The following CPVL variants were observed in gnomAD, a reference collection of about 807,000 sequenced individuals.
CPVL encodes the protein carboxypeptidase vitellogenic like, also known as probable serine carboxypeptidase CPVL.
Under a neutral mutation model 63.7 loss-of-function variants are expected in CPVL, and 51 were observed. The ratio of observed to expected loss-of-function variants is 0.80; its 90% CI spans 0.64 to 1.01. The LOEUF (loss-of-function observed/expected upper bound fraction) is 1.01. Among genes scored for constraint, CPVL ranks in the 50% least tolerant of loss-of-function variants. The pLI is 0.00. For synonymous variants in CPVL, 195 were observed against 206.0 expected, an observed-to-expected ratio of 0.95 and a Z score of 0.46; for missense variants, 530 against 573.1, an observed-to-expected ratio of 0.92 and a Z score of 0.77.
chr7:29,177,742 C>G (rs1265347237), intron 5 of CPVL, among the ~76,000 whole-genome samples: 1 of 152,028 alleles, frequency 6.6e-6, no homozygotes, highest in Admixed American at 6.6e-5. Context: ...ATACCCCAAC[C>G]CTCTTTACTT....
At chr7:29,073,507 C>T (rs997173499) in intron 7 of CPVL, among the ~76,000 whole-genome samples, 1 of 152,164 alleles carries the variant, frequency 6.6e-6, no homozygotes, top group Admixed American at 6.5e-5. Context: ...TCAACCCCTG[C>T]CACCCTCTCG....
At chr7:29,158,798 C>A (rs1794781162) in intron 5 of CPVL, among the ~76,000 whole-genome samples, 1 of 152,120 alleles carries the variant, frequency 6.6e-6, no homozygotes, top group Non-Finnish European at 1.5e-5. Context: ...TGATTTCACC[C>A]TATTTTAAAT....
chr7:29,000,755 G>T (rs76146939), intron 12 of CPVL, among the ~76,000 whole-genome samples: 1 of 152,020 alleles, frequency 6.6e-6, no homozygotes, highest in Non-Finnish European at 1.5e-5. Context: ...CGTATGATTC[G>T]GTAGCATTTA....
In CPVL at chr7:29,095,095, T is replaced by C. The variant is rs1786261469; in HGVS notation, c.451A>G (p.Ile151Val). The change falls in exon 5 of 13, where the codon ATT becomes GTT. Residue 151 changes from isoleucine (I) to valine (V), a missense_variant. By Grantham distance (29) the Ile-to-Val change is conservative. Coordinates refer to ENST00000265394, the MANE Select transcript of CPVL (RefSeq NM_031311.5). ...PWTTTLSMLY[I>V]DNPVGTGFSF... ...CATCCCGGACTTACTGGATTGTCAA[T>C]GTAAAGCATGGAGAGCGTTGTGGTC... 1 of 1,613,812 alleles carries C rather than the reference T, an allele frequency of 6.2e-7. No homozygotes were observed. The highest frequency in any genetic ancestry group is 1.3e-5 in the African/African-American group (1 of 75,012).
At chr7:29,025,493 A>G (rs1787401630) in intron 12 of CPVL, among the ~76,000 whole-genome samples, 1 of 152,172 alleles carries the variant, frequency 6.6e-6, no homozygotes, top group Non-Finnish European at 1.5e-5. Flanking sequence ...AATCTTCCCC[A>G]TCACACAATC....
chr7:29,168,059 G>A (rs983567863), intron 5 of CPVL, among the ~76,000 whole-genome samples: 4 of 152,168 alleles, frequency 2.6e-5, no homozygotes, highest in Admixed American at 6.5e-5. Flanking sequence ...AATTTTGTTG[G>A]TATGATTCTT....
chr7:29,011,064 C>G (rs1181280509), intron 12 of CPVL: 1 of 152,156 alleles, frequency 6.6e-6, no homozygotes, highest in Non-Finnish European at 1.5e-5. Flanking sequence ...CCAGTGTAAT[C>G]AACTAGAAAC....
upstream of CPVL, among the ~76,000 whole-genome samples, chr7:29,149,447 G>A (rs191172212): frequency 2.6e-3 from 402 of 152,146 alleles, 2 homozygotes; most frequent in Non-Finnish European, 4.3e-3. Context: ...ACCTGCCTTG[G>A]CCTCCCAAAG....
chr7:29,161,127 A>G (rs1354578108), intron 5 of CPVL, among the ~76,000 whole-genome samples: 3 of 152,124 alleles, frequency 2.0e-5, no homozygotes, highest in Non-Finnish European at 4.4e-5. Context: ...CTTATCTATG[A>G]TGAGCAAGAT....
chr7:29,120,420 T>TCAAA (rs66524129), intron 2 of CPVL, among the ~76,000 whole-genome samples: 76 of 150,820 alleles, frequency 5.0e-4, no homozygotes, highest in South Asian at 8.4e-4. Flanking sequence ...AGACTCTGTC[T>TCAAA]CAAACAAACA....
chr7:29,146,332 T>A, intron 1 of CPVL, 97 bp downstream of exon 1: 1 of 485,068 alleles, frequency 2.1e-6, no homozygotes, highest in Non-Finnish European at 3.6e-6. Context: ...TGAGGGCTTT[T>A]GAGACTACCT....
At chr7:29,089,427 C>G (rs1026997951) in intron 6 of CPVL, among the ~76,000 whole-genome samples, 2 of 152,136 alleles carry the variant, frequency 1.3e-5, no homozygotes, top group African/African-American at 4.8e-5. Context: ...CCAAAAAAGC[C>G]AAGCAAAGTG....
intron 9 of CPVL, 55 bp downstream of exon 9, chr7:29,071,718 C>T: frequency 2.1e-6 from 2 of 933,792 alleles, no homozygotes; most frequent in South Asian, 1.6e-5. Flanking sequence ...CACCCGCCCT[C>T]CCTCCCCAGA....
rs371661709 is a variant in CPVL at position 29,084,877 on chromosome 7, T to C, written c.609+1607A>G. Among the ~76,000 whole-genome samples the C allele has an allele frequency of 5.3e-5, 8 of 152,226 alleles. No homozygotes were observed. In the East Asian group the frequency reaches 1.3e-3, roughly 26 times the overall value. On this transcript the variant is annotated intron_variant, in intron 7 of 12. Coordinates refer to ENST00000265394, the MANE Select transcript of CPVL (RefSeq NM_031311.5). ...TTTTGATGTTTCTTGTTGGTAATGGTACACATGTAGTAATTCTGAAACCAT... is the reference window on the plus strand; with the variant it reads ...TTTTGATGTTTCTTGTTGGTAATGGCACACATGTAGTAATTCTGAAACCAT...
At position 28,995,739 on chromosome 7, in the gene CPVL, A is replaced by G. The variant is rs369213741; in HGVS notation, c.*33T>C. On this transcript the variant is annotated 3_prime_UTR_variant, in exon 13 of 13. Coordinates refer to ENST00000265394, the MANE Select transcript of CPVL (RefSeq NM_031311.5). Reference sequence around the variant, plus strand: ...TTTTACGATTTTCTTTTCAGCAATGAAAACCTCTGATGTTCTCTTTTGGGA... The same window carrying G: ...TTTTACGATTTTCTTTTCAGCAATGGAAACCTCTGATGTTCTCTTTTGGGA... 7.0e-6 allele frequency: 9 copies of G among 1,283,638 alleles called. No homozygotes were observed. The African/African-American group carries it at 1.4e-4, about 19-fold the overall frequency. 79.5% of individuals were successfully genotyped at this position (1,283,638 alleles called of 1,614,324 possible). A position where few individuals can be genotyped will look rare whatever the true frequency, so the allele number is the denominator to read the frequency against.
intron 7 of CPVL, among the ~76,000 whole-genome samples, chr7:29,074,565 A>G (rs146959682): frequency 1.3e-3 from 195 of 152,098 alleles, no homozygotes; most frequent in African/African-American, 4.5e-3. Context: ...TGTGTCCCCA[A>G]CCAAATCTCA....
chr7:29,021,825 G>C (rs1215200201), intron 12 of CPVL, among the ~76,000 whole-genome samples: 1 of 151,826 alleles, frequency 6.6e-6, no homozygotes, highest in East Asian at 2.0e-4. Flanking sequence ...CACACCTTTG[G>C]GGCCCAATAC....
chr7:29,078,579 A>G (rs944625288), intron 7 of CPVL, among the ~76,000 whole-genome samples: 1 of 152,282 alleles, frequency 6.6e-6, no homozygotes, highest in Non-Finnish European at 1.5e-5. Context: ...ATGAAGCTGC[A>G]TAATGGATGT....
chr7:29,100,220 C>T (rs1786968236), intron 3 of CPVL, among the ~76,000 whole-genome samples: 1 of 152,206 alleles, frequency 6.6e-6, no homozygotes, highest in Admixed American at 6.5e-5. Flanking sequence ...GGATATCCAG[C>T]CCCACTTCCT....
Sources: allele counts gnomAD v4.1 joint callset (sites outside exome capture counted in the v4.1 genomes callset), GRCh38; gene constraint gnomAD v4.1.1; transcripts MANE v1.5; gene names NCBI Gene and HGNC (gene_info 2026-07-23, HGNC 2026-07-21).